Variants in ZNF516 observed in about 807,000 individuals in gnomAD.
The protein encoded by ZNF516 is zinc finger protein 516.
In ZNF516, 19 loss-of-function variants were observed where a neutral mutation model predicts 79.7. The observed-to-expected ratio is 0.24, with a 90% CI of 0.17 to 0.35. The LOEUF is 0.35. Among genes scored for constraint, ZNF516 ranks in the 10% least tolerant of loss-of-function variants. ZNF516 has a pLI of 1.00. For missense variants in ZNF516, 1,678 were observed against 1,679.5 expected (o/e 1.00, Z 0.02); for synonymous variants, 877 against 739.5 (o/e 1.19, Z -3.02).
At chr18:76,439,788 A>G (rs1011881138) in intron 3 of ZNF516, among the ~76,000 whole-genome samples, 5 of 152,206 alleles carry the variant, frequency 3.3e-5, no homozygotes, top group African/African-American at 1.2e-4. Flanking sequence ...TCCTAGCCCA[A>G]TATTTTGTCC....
rs986141398 is a variant in ZNF516 at position 76,490,375 on chromosome 18, G to A, written c.-272+4769C>T. Among the ~76,000 whole-genome samples, 9 of 152,300 alleles carry A rather than the reference G, an allele frequency of 5.9e-5. No homozygotes were observed. The East Asian group carries it at 9.6e-4, about 16-fold the overall frequency. ...CTGGTCTGTGTAAATATAAATAACA[G>A]TTACCTGACGACATAATCAAAGAAT... is the stretch of plus-strand genomic sequence containing the variant. On this transcript the variant is annotated intron_variant, in intron 1 of 6. Coordinates refer to ENST00000443185, the MANE Select transcript of ZNF516 (RefSeq NM_014643.4).
intron 1 of ZNF516, among the ~76,000 whole-genome samples, chr18:76,480,529 A>ATATATATTTTT (rs374464151): frequency 7.0e-6 from 1 of 142,020 alleles, no homozygotes; most frequent in Non-Finnish European, 1.5e-5. Flanking sequence ...ACACACATAT[A>ATATATATTTTT]TTTTTTTTTT....
At chr18:76,370,766 G>A (rs2074690315) in intron 5 of ZNF516, among the ~76,000 whole-genome samples, 171 bp from the exon 6 acceptor site, 1 of 152,238 alleles carries the variant, frequency 6.6e-6, no homozygotes. Flanking sequence ...TGTGATAATG[G>A]CTGCCTGGGG....
chr18:76,360,176 G>GTC lies in ZNF516; in HGVS notation c.*2321_*2322insGA, dbSNP rs2074509820. On this transcript the variant is annotated 3_prime_UTR_variant, in exon 7 of 7. Transcript: ENST00000443185. ...GCCCACTCCCCACCAGAGCCTCCAGGATGGAGCCTCACCAGCAAGACACTT... is the reference window on the plus strand; with the variant it reads ...GCCCACTCCCCACCAGAGCCTCCAGGTCATGGAGCCTCACCAGCAAGACACTT... 6.6e-6 allele frequency: 1 copy of GTC among 152,352 alleles called. No individual in the cohort carries two copies. The highest frequency in any genetic ancestry group is 1.5e-5 in the Non-Finnish European group (1 of 68,132). The allele number at this position is 152,352 out of a possible 1,614,324, so 9.4% of individuals were successfully genotyped here. A position where few individuals can be genotyped will look rare whatever the true frequency, so the allele number is the denominator to read the frequency against.
chr18:76,370,007 C>T (rs925342153), intron 6 of ZNF516, among the ~76,000 whole-genome samples: 15 of 152,194 alleles, frequency 9.9e-5, no homozygotes, highest in African/African-American at 2.9e-4. Flanking sequence ...ACACAGGTCA[C>T]GCCTGGATGG....
chr18:76,471,986 A>G (rs943256731), intron 1 of ZNF516, among the ~76,000 whole-genome samples: 2 of 152,162 alleles, frequency 1.3e-5, no homozygotes, highest in Non-Finnish European at 2.9e-5. Flanking sequence ...TGGATGGACC[A>G]AGTCTTACAG....
chr18:76,377,779 G>A (rs1389984709), intron 4 of ZNF516, among the ~76,000 whole-genome samples: 2 of 149,088 alleles, frequency 1.3e-5, no homozygotes, highest in Admixed American at 6.7e-5. Flanking sequence ...GCAGTGGCAC[G>A]ATCTCTACTC....
At chr18:76,372,180 A>G (rs560273385) in intron 4 of ZNF516, among the ~76,000 whole-genome samples, 11 of 152,372 alleles carry the variant, frequency 7.2e-5, no homozygotes, top group East Asian at 1.9e-4. Flanking sequence ...CAAGGGGGGA[A>G]GTCCCCAAGT....
chr18:76,489,129 C>G (rs1395832289), intron 1 of ZNF516, among the ~76,000 whole-genome samples: 1 of 152,236 alleles, frequency 6.6e-6, no homozygotes, highest in Non-Finnish European at 1.5e-5. Context: ...CTTACAACCA[C>G]TCCCACCAAA....
chr18:76,473,898 T>TTGTGTGTG (rs538095992), intron 1 of ZNF516, among the ~76,000 whole-genome samples: 1,127 of 27,866 alleles, frequency 0.04, 56 homozygotes, highest in South Asian at 0.1. Context: ...TTGGTTGTTT[T>TTGTGTGTG]TGTGTGGGGG....
At chr18:76,413,146 CA>C (rs1409861937) in intron 3 of ZNF516, among the ~76,000 whole-genome samples, 1 of 152,206 alleles carries the variant, frequency 6.6e-6, no homozygotes, top group Admixed American at 6.5e-5. Flanking sequence ...GGTTTATTCC[CA>C]TTTTTTAAAA....
At chr18:76,449,671 T>C (rs1318906175) in intron 2 of ZNF516, among the ~76,000 whole-genome samples, 1 of 152,250 alleles carries the variant, frequency 6.6e-6, no homozygotes, top group East Asian at 1.9e-4. Flanking sequence ...GCCACAATGT[T>C]TACTACACTG....
intron 3 of ZNF516, among the ~76,000 whole-genome samples, chr18:76,401,936 T>A (rs2075234283): frequency 6.8e-6 from 1 of 147,818 alleles, no homozygotes; most frequent in African/African-American, 2.5e-5. Flanking sequence ...CAACTCTGCA[T>A]AAACAATTTC....
intron 6 of ZNF516, among the ~76,000 whole-genome samples, chr18:76,367,214 C>A (rs931240906): frequency 1.3e-5 from 2 of 152,276 alleles, no homozygotes; most frequent in East Asian, 1.9e-4. Flanking sequence ...CCTCACTTTC[C>A]AAGCCCAATC....
intron 3 of ZNF516, among the ~76,000 whole-genome samples, chr18:76,412,864 C>T (rs1241040861): frequency 2.0e-5 from 3 of 152,178 alleles, no homozygotes; most frequent in Admixed American, 6.5e-5. Context: ...CTCAATGTCC[C>T]GGGACACCGG....
chr18:76,380,940 G>A (rs73477141), intron 3 of ZNF516, among the ~76,000 whole-genome samples: 1,958 of 152,268 alleles, frequency 0.013, 18 homozygotes, highest in Non-Finnish European at 0.019. Flanking sequence ...CCCCAGAGGC[G>A]GGTGAGCAAA....
chr18:76,385,840 A>AC (rs1462388345), intron 3 of ZNF516: 7 of 146,500 alleles, frequency 4.8e-5, no homozygotes, highest in Non-Finnish European at 7.5e-5. Flanking sequence ...CAGGCAGCCC[A>AC]CCTGCAGGAG....
chr18:76,372,273 C>T (rs116566792), intron 4 of ZNF516, among the ~76,000 whole-genome samples: 1 of 152,244 alleles, frequency 6.6e-6, no homozygotes, highest in Non-Finnish European at 1.5e-5. Context: ...AAAAGCCACA[C>T]GACTTTGATT....
Position 76,382,112 on chromosome 18 carries a change from A to G in ZNF516, c.1811-1809T>C, listed in dbSNP as rs146153791. The stretch of plus-strand genomic sequence containing the variant: ...ACGCCACTGCACTCCAGCCTGGGCA[A>G]CAGAGCAAGACTCCATCTTAAAAAA... On this transcript the variant is annotated intron_variant, in intron 3 of 6. Transcript: ENST00000443185. Among the ~76,000 whole-genome samples the G allele has an allele frequency of 4.6e-3, 693 of 152,252 alleles. 6 individuals carry two copies. The highest frequency in any genetic ancestry group is 0.016 in the African/African-American group (675 of 41,578).
Sources: gnomAD v4.1 joint callset for allele counts (sites outside exome capture counted in the v4.1 genomes callset) on GRCh38, gnomAD v4.1.1 for gene constraint, MANE v1.5 for transcripts, NCBI Gene and HGNC (gene_info 2026-07-23, HGNC 2026-07-21) for gene names.